RAD54L: variants seen among roughly 807,000 people sequenced by gnomAD.
The protein encoded by RAD54L is RAD54 like.
RAD54L carries 74 observed loss-of-function variants against 91.6 expected under a neutral mutation model. That is an observed-to-expected ratio of 0.81 (90% CI 0.67 to 0.98). The LOEUF (loss-of-function observed/expected upper bound fraction) is 0.98, where lower values mean the gene tolerates loss of function less well. Among genes scored for constraint, RAD54L ranks in the 50% least tolerant of loss-of-function variants. RAD54L has a pLI of 0.00. For missense variants in RAD54L, 887 were observed against 945.7 expected, an observed-to-expected ratio of 0.94 and a Z score of 0.81; for synonymous variants, 304 against 349.7, an observed-to-expected ratio of 0.87 and a Z score of 1.46.
chr1:46,252,852 C>T (rs1459237975), intron 3 of RAD54L, among the ~76,000 whole-genome samples: 2 of 152,142 alleles, frequency 1.3e-5, no homozygotes, highest in South Asian at 2.1e-4. Flanking sequence ...AGGAGGATCA[C>T]TTGAGCCCAG....
intron 3 of RAD54L, among the ~76,000 whole-genome samples, chr1:46,253,866 C>T (rs960368208): frequency 1.3e-5 from 2 of 151,186 alleles, no homozygotes; most frequent in African/African-American, 4.9e-5. Context: ...ACTTAGAGAG[C>T]GATGGTGATC....
rs773463599 is a variant in RAD54L at position 46,259,982 on chromosome 1, C to A, written c.290C>A (p.Ala97Glu). Residue 97 changes from alanine (A) to glutamate (E), a missense_variant, in exon 5 of 18, where the codon GCA (alanine) becomes GAA (glutamate). Physicochemically the swap from Ala to Glu is moderately radical, Grantham distance 107. Coordinates refer to ENST00000371975, the MANE Select transcript of RAD54L (RefSeq NM_003579.4). The part of the protein sequence containing the change: ...PNYQGPLGSR[A>E]LGLKRAGVRR... ...TTTGTAGGTCCTCTGGGCTCTCGAG[C>A]ATTGGGCCTGAAAAGGGCTGGGGTC... 4.3e-5 allele frequency: 69 copies of A among 1,614,098 alleles called. No homozygotes were observed. Among genetic ancestry groups the A allele is most frequent in the Non-Finnish European group, 5.8e-5 (68 of 1,180,018 alleles).
chr1:46,273,384 G>C lies in RAD54L; in HGVS notation c.1405G>C (p.Glu469Gln). 1 of 1,613,760 alleles carries C rather than the reference G, an allele frequency of 6.2e-7. No homozygotes were observed. The highest frequency in any genetic ancestry group is 8.5e-7 in the Non-Finnish European group (1 of 1,179,642). Residue 469 changes from glutamate to glutamine, a missense_variant, in exon 13 of 18, where the codon GAA (glutamate) becomes CAA (glutamine). Glu to Gln is a conservative substitution (Grantham distance 29). Coordinates refer to ENST00000371975, the MANE Select transcript of RAD54L (RefSeq NM_003579.4). Reference protein sequence around the residue: ...HPALIYDKCVEEEDGFVGALD... With the variant: ...HPALIYDKCVQEEDGFVGALD... ...AGCTCTAATCTATGATAAGTGTGTG[G>C]AAGAGGAGGATGGCTTTGTGGGTGC...
At position 46,248,333 on chromosome 1, in the gene RAD54L, T is replaced by C; in HGVS notation, c.-73T>C. 1 of 1,590,866 alleles carries C rather than the reference T, an allele frequency of 6.3e-7. No homozygotes were observed. The highest frequency in any genetic ancestry group is 8.6e-7 in the Non-Finnish European group (1 of 1,162,076). ...CCCTCTACAGATTAGACCCTGGTCC[T>C]ACACTCTTAGCCGCTGCCTGCTTTT... On this transcript the variant is annotated 5_prime_UTR_variant, in exon 1 of 18. Coordinates refer to ENST00000371975, the MANE Select transcript of RAD54L (RefSeq NM_003579.4).
At position 46,265,096 on chromosome 1, in the gene RAD54L, T is replaced by A. The variant is rs1020955568; in HGVS notation, c.892-2363T>A. ...CCTGGACCTGTTGGGTAATTTCCTC[T>A]GACTTTCAAGTCTCATTTCCCTCTT... On this transcript the variant is annotated intron_variant, in intron 8 of 17. Transcript: ENST00000371975. The surrounding 1 kb of genome is among the most constrained non-coding windows in gnomAD (Gnocchi z 4.8). Among the ~76,000 whole-genome samples the A allele has an allele frequency of 3.3e-5, 5 of 152,204 alleles. No individual in the cohort carries two copies. The highest frequency in any genetic ancestry group is 1.2e-4 in the African/African-American group (5 of 41,464).
At chr1:46,252,276 G>A (rs1659818395) in intron 3 of RAD54L, among the ~76,000 whole-genome samples, 1 of 152,160 alleles carries the variant, frequency 6.6e-6, no homozygotes, top group Admixed American at 6.5e-5. Flanking sequence ...AGGCCTTTCA[G>A]AAGCCATGCT....
chr1:46,267,405 T>C, intron 8 of RAD54L, 54 bp from the exon 9 acceptor site: 1 of 1,611,302 alleles, frequency 6.2e-7, no homozygotes, highest in Non-Finnish European at 8.5e-7. Context: ...ACATGAGACT[T>C]TGCTACCGTA....
chr1:46,259,725 G>A (rs28363213), intron 4 of RAD54L, among the ~76,000 whole-genome samples: 6,689 of 151,326 alleles, frequency 0.044, 264 homozygotes, highest in African/African-American at 0.096. Flanking sequence ...GCAGTGAGCC[G>A]AGATTGTGCC....
chr1:46,254,933 G>A lies in RAD54L; in HGVS notation c.211-3753G>A, dbSNP rs72899068. ...TGGGTTGAGGGTTAAAAGGCAGAGG[G>A]AAAAGAGCTCATTAGGGGACTGAAG... On this transcript the variant is annotated intron_variant, in intron 3 of 17. Coordinates refer to ENST00000371975, the MANE Select transcript of RAD54L (RefSeq NM_003579.4). Among the ~76,000 whole-genome samples the A allele has an allele frequency of 7.2e-3, 1,089 of 152,254 alleles. 16 individuals carry two copies. The highest frequency in any genetic ancestry group is 0.034 in the Middle Eastern group (10 of 294).
rs769140279 is a variant in RAD54L at position 46,260,744 on chromosome 1, GGAGTGTGT to G, written c.496_503del (p.Glu166HisfsTer15). The G allele has an allele frequency of 7.4e-6, 12 of 1,614,192 alleles. No homozygotes were observed. In the South Asian group the frequency reaches 1.2e-4, roughly 16 times the overall value. Reference sequence around the variant, plus strand: ...TTCTCTAGGGAGTGAAATTCCTGTGGGAGTGTGTCACCAGTCGGCGCATCCCTGGCAGC... The same window carrying G: ...TTCTCTAGGGAGTGAAATTCCTGTGGCACCAGTCGGCGCATCCCTGGCAGC... On this transcript the variant is annotated frameshift_variant, in exon 7 of 18. Coordinates refer to ENST00000371975, the MANE Select transcript of RAD54L (RefSeq NM_003579.4). LOFTEE classifies it high-confidence loss of function.
intron 9 of RAD54L, among the ~76,000 whole-genome samples, chr1:46,270,338 G>C (rs1338776398): frequency 1.3e-5 from 2 of 151,954 alleles, no homozygotes; most frequent in Non-Finnish European, 2.9e-5. Flanking sequence ...TCCAGCCTGG[G>C]TGACAGAGCA....
intron 3 of RAD54L, among the ~76,000 whole-genome samples, chr1:46,255,423 C>G (rs1217635217): frequency 6.6e-6 from 1 of 151,312 alleles, no homozygotes; most frequent in Non-Finnish European, 1.5e-5. Context: ...TAAGAGCATG[C>G]TCCCTCCCCT....
At chr1:46,259,920 T>G in intron 4 of RAD54L, 44 bp from the exon 5 acceptor site, 5 of 1,613,782 alleles carry the variant, frequency 3.1e-6, no homozygotes, top group Non-Finnish European at 3.4e-6. Context: ...TTGCTGGAGC[T>G]CCTAAACATA....
chr1:46,250,923 A>G (rs1659779813), intron 3 of RAD54L, among the ~76,000 whole-genome samples: 1 of 151,656 alleles, frequency 6.6e-6, no homozygotes, highest in Non-Finnish European at 1.5e-5. Flanking sequence ...GTGAGTCAAG[A>G]TCACGCCACT....
At position 46,270,709 on chromosome 1, in the gene RAD54L, C is replaced by T. The variant is rs559500678; in HGVS notation, c.1093C>T (p.Arg365Ter). The T allele has an allele frequency of 1.1e-5, 18 of 1,614,188 alleles. No individual in the cohort carries two copies. Among genetic ancestry groups the T allele is most frequent in the Middle Eastern group, 1.6e-4 (1 of 6,062 alleles). Residue 365 changes from arginine (R) to a stop codon, truncating the protein, a stop_gained, in exon 10 of 18, where the codon CGA becomes TGA. Coordinates refer to ENST00000371975, the MANE Select transcript of RAD54L (RefSeq NM_003579.4). LOFTEE classifies it high-confidence loss of function. Reference protein sequence around the residue: ...KHFELPILKGRDAAASEADRQ... With the variant: ...KHFELPILKG Reference sequence around the variant, plus strand: ...TTTTGAATTGCCAATTTTGAAGGGTCGAGACGCTGCTGCTAGTGAGGCAGA... The same window carrying T: ...TTTTGAATTGCCAATTTTGAAGGGTTGAGACGCTGCTGCTAGTGAGGCAGA...
At chr1:46,277,705 C>T in intron 16 of RAD54L, 112 bp from the exon 17 acceptor site, 1 of 1,232,358 alleles carries the variant, frequency 8.1e-7, no homozygotes, top group Non-Finnish European at 1.2e-6. Flanking sequence ...ACTTTTTATT[C>T]ATCTCCTCTT....
intron 16 of RAD54L, among the ~76,000 whole-genome samples, chr1:46,275,892 G>A (rs373019298): frequency 2.0e-5 from 3 of 151,676 alleles, no homozygotes; most frequent in African/African-American, 7.3e-5. Flanking sequence ...CTAAGAGTTC[G>A]AGGCTATAGT....
At chr1:46,274,080 T>C in intron 14 of RAD54L, 58 bp from the exon 15 acceptor site, 1 of 1,496,330 alleles carries the variant, frequency 6.7e-7, no homozygotes, top group Non-Finnish European at 9.3e-7. Flanking sequence ...TTATTTTTAA[T>C]TTTTTTTCCC....
intron 4 of RAD54L, 48 bp downstream of exon 4, chr1:46,258,794 G>A (rs1208841822): frequency 1.4e-6 from 2 of 1,396,754 alleles, no homozygotes. Context: ...ATGTACGTGT[G>A]CCTGAATAAA....
Sources: gnomAD v4.1 joint callset for allele counts (sites outside exome capture counted in the v4.1 genomes callset) on GRCh38, gnomAD v4.1.1 for gene constraint, Gnocchi (gnomAD v3.1) non-coding constraint, MANE v1.5 for transcripts, NCBI Gene and HGNC (gene_info 2026-07-23, HGNC 2026-07-21) for gene names.